RALYL: variants seen among roughly 807,000 people sequenced by gnomAD.
RALYL encodes RNA-binding Raly-like protein.
In RALYL, 29 loss-of-function variants were observed where a neutral mutation model predicts 35.1. That is an observed-to-expected ratio of 0.83 (90% CI 0.61 to 1.13). The LOEUF (loss-of-function observed/expected upper bound fraction) is 1.13. Among genes scored for constraint, RALYL ranks in the 50% most tolerant of loss-of-function variants. RALYL has a pLI of 0.00. For synonymous variants in RALYL, 120 were observed against 127.6 expected (o/e 0.94, Z 0.40); for missense variants, 359 against 360.4 (o/e 1.00, Z 0.03).
chr8:84,768,504 C>T (rs139473898), intron 2 of RALYL, among the ~76,000 whole-genome samples: 11 of 152,276 alleles, frequency 7.2e-5, no homozygotes, highest in African/African-American at 2.4e-4. Flanking sequence ...TGATAAACAA[C>T]ATAGCACTGC....
intron 1 of RALYL, among the ~76,000 whole-genome samples, chr8:84,258,172 G>A (rs1331216409): frequency 1.3e-5 from 2 of 152,096 alleles, no homozygotes; most frequent in African/African-American, 4.8e-5. Context: ...TTGTGGTGGT[G>A]GGGTTTACTT....
chr8:84,312,889 G>A lies in RALYL; in HGVS notation c.-24+128465G>A, dbSNP rs544237427. ...TCCACTAGGCTCTACTAGTGCCCCA[G>A]TGGGGATCCTGTGTGGGGACTCCAA... On this transcript the variant is annotated intron_variant, in intron 1 of 8. Transcript: ENST00000521268. Among the ~76,000 whole-genome samples the A allele has an allele frequency of 3.9e-5, 6 of 152,358 alleles. No individual in the cohort carries two copies. In the South Asian group the frequency reaches 1.2e-3, roughly 32 times the overall value.
intron 1 of RALYL, among the ~76,000 whole-genome samples, chr8:84,360,014 A>G (rs934746386): frequency 6.6e-6 from 1 of 151,978 alleles, no homozygotes; most frequent in African/African-American, 2.4e-5. Context: ...CTAGAACTAC[A>G]GGCATGCACC....
At chr8:84,531,513 T>G (rs1272956102) in intron 2 of RALYL, among the ~76,000 whole-genome samples, 1 of 152,074 alleles carries the variant, frequency 6.6e-6, no homozygotes, top group Admixed American at 6.6e-5. Flanking sequence ...TCTTTTTGTT[T>G]TCCTTAATGT....
At chr8:84,220,778 G>T (rs1316406733) in intron 1 of RALYL, among the ~76,000 whole-genome samples, 1 of 151,848 alleles carries the variant, frequency 6.6e-6, no homozygotes, top group Non-Finnish European at 1.5e-5. Flanking sequence ...AAATTAAATG[G>T]AAGTAGTACA....
intron 1 of RALYL, among the ~76,000 whole-genome samples, chr8:84,438,947 T>C (rs888205789): frequency 7.1e-5 from 3 of 42,188 alleles, no homozygotes; most frequent in African/African-American, 2.0e-4. Context: ...TCTATGTATC[T>C]TTTTTTTTTA....
At chr8:84,320,344 C>T (rs1305777146) in intron 1 of RALYL, among the ~76,000 whole-genome samples, 2 of 151,628 alleles carry the variant, frequency 1.3e-5, no homozygotes, top group Non-Finnish European at 2.9e-5. Flanking sequence ...TGCTCTCTTT[C>T]TCTCACCATA....
chr8:84,533,826 A>T (rs1283087696), intron 2 of RALYL, among the ~76,000 whole-genome samples: 1 of 152,244 alleles, frequency 6.6e-6, no homozygotes, highest in Non-Finnish European at 1.5e-5. Context: ...TCCTGAAGGA[A>T]GTAATGGAAT....
intron 2 of RALYL, chr8:84,706,060 T>A: frequency 6.5e-7 from 1 of 1,535,042 alleles, no homozygotes; most frequent in Non-Finnish European, 8.7e-7. Context: ...ACATCAGAGA[T>A]GTAAGTAAAA....
In RALYL at chr8:84,350,852, A is replaced by G. The variant is rs939586941; in HGVS notation, c.-24+166428A>G. ...GAAATCAATAGAAGAGTTGCTTTCT[A>G]TGCTCCGAAGAGCTTTGCCAGCTAT... On this transcript the variant is annotated intron_variant, in intron 1 of 8. Coordinates refer to ENST00000521268, the MANE Select transcript of RALYL (RefSeq NM_173848.7). Among the ~76,000 whole-genome samples, 11 of 150,292 alleles carry G rather than the reference A, an allele frequency of 7.3e-5. 1 individual carries two copies. The highest frequency in any genetic ancestry group is 4.2e-4 in the South Asian group (2 of 4,796).
chr8:84,223,317 A>T (rs1822983709), intron 1 of RALYL, among the ~76,000 whole-genome samples: 1 of 149,330 alleles, frequency 6.7e-6, no homozygotes, highest in Non-Finnish European at 1.5e-5. Context: ...AATGGGTTAT[A>T]TTGGGAGGGT....
intron 3 of RALYL, among the ~76,000 whole-genome samples, chr8:84,784,594 C>T (rs998969245): frequency 1.8e-4 from 28 of 152,026 alleles, no homozygotes; most frequent in African/African-American, 4.6e-4. Context: ...AAGTTCTGCA[C>T]GGTAGAAAAG....
intron 4 of RALYL, among the ~76,000 whole-genome samples, chr8:84,810,471 A>T (rs1825665475): frequency 6.6e-6 from 1 of 152,094 alleles, no homozygotes; most frequent in Non-Finnish European, 1.5e-5. Flanking sequence ...CAGTTGTTGG[A>T]TGAAATGTTC....
intron 1 of RALYL, among the ~76,000 whole-genome samples, chr8:84,372,756 G>C (rs896024792): frequency 6.6e-6 from 1 of 151,742 alleles, no homozygotes; most frequent in African/African-American, 2.4e-5. Flanking sequence ...GGATTGCTGA[G>C]TTAAATGGTA....
At chr8:84,767,906 C>T (rs1427317490) in intron 2 of RALYL, among the ~76,000 whole-genome samples, 1 of 152,152 alleles carries the variant, frequency 6.6e-6, no homozygotes, top group East Asian at 1.9e-4. Context: ...TTTAACTAGG[C>T]TTTTTGAAAT....
rs77832988 is a variant in RALYL, at chr8:84,399,710, A to G, written c.-23-129589A>G. Among the ~76,000 whole-genome samples, 1,838 of 152,330 alleles carry G rather than the reference A, an allele frequency of 0.012. 103 individuals carry two copies. In the East Asian group the frequency reaches 0.15, roughly 12 times the overall value. On this transcript the variant is annotated intron_variant, in intron 1 of 8. Transcript: ENST00000521268. ...GAGAACAGAATTACATTGTAATTAC[A>G]TTGTAATCACAATGTCTTATAACCC...
At chr8:84,788,225 A>C (rs1005314069) in intron 3 of RALYL, among the ~76,000 whole-genome samples, 7 of 152,030 alleles carry the variant, frequency 4.6e-5, no homozygotes, top group African/African-American at 1.7e-4. Flanking sequence ...CCAAAACAGC[A>C]TGGTACTGGT....
intron 2 of RALYL, among the ~76,000 whole-genome samples, chr8:84,730,625 T>C (rs1387785119): frequency 6.6e-6 from 1 of 151,780 alleles, no homozygotes; most frequent in East Asian, 1.9e-4. Context: ...TGATTGTATA[T>C]CTAGAAGACC....
intron 2 of RALYL, among the ~76,000 whole-genome samples, chr8:84,545,492 TA>T (rs2060294735): frequency 6.6e-6 from 1 of 152,168 alleles, no homozygotes. Context: ...TTTAAATTTG[TA>T]AATAAACATA....
Sources: gnomAD v4.1 joint callset for allele counts (sites outside exome capture counted in the v4.1 genomes callset) on GRCh38, gnomAD v4.1.1 for gene constraint, MANE v1.5 for transcripts, NCBI Gene and HGNC (gene_info 2026-07-23, HGNC 2026-07-21) for gene names.